FRMD3: variants seen among roughly 807,000 people sequenced by gnomAD.
FRMD3 encodes the protein FERM domain-containing protein 3.
Under a neutral mutation model 70.2 loss-of-function variants are expected in FRMD3, and 33 were observed. The observed-to-expected ratio is 0.47, with a 90% CI of 0.36 to 0.63. FRMD3 has a LOEUF of 0.63. Ranked by LOEUF, FRMD3 falls within the 20% of genes least tolerant of loss-of-function variation. The pLI, the probability that FRMD3 is intolerant of heterozygous loss-of-function variation, is 0.00. For synonymous variants in FRMD3, 279 were observed against 255.9 expected, an observed-to-expected ratio of 1.09 and a Z score of -0.86; for missense variants, 632 against 711.4, an observed-to-expected ratio of 0.89 and a Z score of 1.27.
intron 3 of FRMD3, among the ~76,000 whole-genome samples, chr9:83,351,323 T>TAC (rs56407249): frequency 0.13 from 18,738 of 143,772 alleles, 1,249 homozygotes; most frequent in South Asian, 0.21. Flanking sequence ...AAACTGATCA[T>TAC]ACACACACAC....
chr9:83,466,381 T>C (rs1828127375), intron 1 of FRMD3, among the ~76,000 whole-genome samples: 1 of 152,200 alleles, frequency 6.6e-6, no homozygotes, highest in African/African-American at 2.4e-5. Context: ...GGAAAACTGT[T>C]TTGTTTCAAA....
chr9:83,470,828 AAC>A (rs1828250819), intron 1 of FRMD3, among the ~76,000 whole-genome samples: 1 of 152,256 alleles, frequency 6.6e-6, no homozygotes, highest in Non-Finnish European at 1.5e-5. Flanking sequence ...ACTTGGAGTT[AAC>A]CTGTGAATTT....
intron 6 of FRMD3, among the ~76,000 whole-genome samples, chr9:83,325,390 G>A (rs1001594403): frequency 1.3e-5 from 2 of 152,030 alleles, no homozygotes; most frequent in African/African-American, 4.8e-5. Flanking sequence ...GCAGTGATGC[G>A]ATCTCAGTTC....
At chr9:83,295,312 A>G (rs1353458592) in intron 12 of FRMD3, among the ~76,000 whole-genome samples, 2 of 152,212 alleles carry the variant, frequency 1.3e-5, no homozygotes, top group Non-Finnish European at 2.9e-5. Flanking sequence ...AGGCAGACTC[A>G]GGACTCAAAA....
chr9:83,350,907 A>G (rs1824134419), intron 3 of FRMD3: 2 of 546,186 alleles, frequency 3.7e-6, no homozygotes, highest in African/African-American at 2.1e-5. Context: ...AGTGAGATGC[A>G]TTCAGATTTC....
intron 1 of FRMD3, among the ~76,000 whole-genome samples, chr9:83,513,070 G>C (rs967083208): frequency 3.3e-5 from 5 of 152,198 alleles, no homozygotes; most frequent in African/African-American, 1.2e-4. Flanking sequence ...AGGGTGCTTA[G>C]AGAAACATAG....
chr9:83,476,587 G>A (rs1166393818), intron 1 of FRMD3, among the ~76,000 whole-genome samples: 1 of 152,166 alleles, frequency 6.6e-6, no homozygotes. Context: ...GAGCCCAGAG[G>A]AGAGGCAGAA....
chr9:83,315,531 T>C lies in FRMD3; in HGVS notation c.597-1784A>G, dbSNP rs150567958. ...CGGGATAGTGAGTCCTCACAAGATC[T>C]GGTTGTTTACAAGTGTGTAGCACCT... is the stretch of plus-strand genomic sequence containing the variant. On this transcript the variant is annotated intron_variant, in intron 6 of 13. Coordinates refer to ENST00000304195, the MANE Select transcript of FRMD3 (RefSeq NM_174938.6). Among the ~76,000 whole-genome samples the C allele has an allele frequency of 2.9e-3, 440 of 152,260 alleles. 2 individuals carry two copies. Among genetic ancestry groups the C allele is most frequent in the African/African-American group, 0.01 (422 of 41,542 alleles).
At chr9:83,290,321 G>A (rs751628289) in intron 13 of FRMD3, among the ~76,000 whole-genome samples, 2 of 152,140 alleles carry the variant, frequency 1.3e-5, no homozygotes, top group Non-Finnish European at 1.5e-5. Context: ...CATGGCTAAT[G>A]GTTAGTGTAC....
chr9:83,534,533 T>C (rs977327420), intron 1 of FRMD3, among the ~76,000 whole-genome samples: 5 of 152,178 alleles, frequency 3.3e-5, no homozygotes, highest in Admixed American at 6.5e-5. Flanking sequence ...CTTCTCCCCT[T>C]GTGGGAGGCA....
intron 1 of FRMD3, among the ~76,000 whole-genome samples, chr9:83,461,021 C>G (rs1827955763): frequency 6.6e-6 from 1 of 151,952 alleles, no homozygotes; most frequent in Non-Finnish European, 1.5e-5. Context: ...CACAGTGTGA[C>G]AAGTGCACCA....
rs560342430 is a variant in FRMD3 at position 83,376,893 on chromosome 9, G to A, written c.253-3938C>T. Among the ~76,000 whole-genome samples, 264 of 152,278 alleles carry A rather than the reference G, an allele frequency of 1.7e-3. 1 individual carries two copies. The highest frequency in any genetic ancestry group is 5.6e-3 in the African/African-American group (234 of 41,552). ...GAAATAGGTGTGCAACAAGCAATGA[G>A]CATGGTAGTGTGTCCAATATGATCC... On this transcript the variant is annotated intron_variant, in intron 2 of 13. Transcript: ENST00000304195.
At chr9:83,551,324 C>G in the FRMD3 span, among the ~76,000 whole-genome samples, 251 of 152,272 alleles carry the variant, frequency 1.6e-3, 1 homozygote, top group African/African-American at 5.7e-3. Flanking sequence ...GGGGATGAAG[C>G]CTACTTGATC....
upstream of FRMD3, among the ~76,000 whole-genome samples, chr9:83,542,235 C>T (rs1414560680): frequency 6.6e-6 from 1 of 152,192 alleles, no homozygotes; most frequent in Non-Finnish European, 1.5e-5. Flanking sequence ...TATGCCTAAC[C>T]AATGGGTTAT....
chr9:83,569,108 G>C, the FRMD3 span, among the ~76,000 whole-genome samples: 3 of 152,080 alleles, frequency 2.0e-5, no homozygotes, highest in African/African-American at 7.2e-5. Flanking sequence ...TCTTTGCAAA[G>C]ATAATAAGCT....
intron 1 of FRMD3, among the ~76,000 whole-genome samples, chr9:83,507,705 T>TTGGA (rs2131524747): frequency 1.3e-5 from 1 of 79,164 alleles, no homozygotes; most frequent in South Asian, 4.4e-4. Flanking sequence ...TATATATATA[T>TTGGA]ATATATATAT....
rs868324808 is a variant in FRMD3 at position 83,298,691 on chromosome 9, G to A, written c.1070+57C>T. On this transcript the variant is annotated intron_variant, in intron 12 of 13. Coordinates refer to ENST00000304195, the MANE Select transcript of FRMD3 (RefSeq NM_174938.6). Reference sequence around the variant, plus strand: ...CACTACACAAAGGGATGTTATAGGGGATTTGGAAAAGCCAGCTTTTAAAGC... The same window carrying A: ...CACTACACAAAGGGATGTTATAGGGAATTTGGAAAAGCCAGCTTTTAAAGC... 4.2e-5 allele frequency: 56 copies of A among 1,321,552 alleles called. No homozygotes were observed. In the Middle Eastern group the frequency reaches 2.2e-3, roughly 51 times the overall value. The allele number at this position is 1,321,552 out of a possible 1,614,324, so 81.9% of individuals were successfully genotyped here.
chr9:83,410,521 C>T (rs1436764294), intron 1 of FRMD3, among the ~76,000 whole-genome samples: 1 of 152,126 alleles, frequency 6.6e-6, no homozygotes, highest in African/African-American at 2.4e-5. Flanking sequence ...TGTATAGGTA[C>T]CACATTTTCT....
intron 2 of FRMD3, among the ~76,000 whole-genome samples, chr9:83,375,249 T>A (rs1418844250): frequency 6.6e-6 from 1 of 152,246 alleles, no homozygotes; most frequent in East Asian, 1.9e-4. Flanking sequence ...ATGTAAGGCA[T>A]GCCTGAAAGG....
Sources: gnomAD v4.1 joint callset for allele counts (sites outside exome capture counted in the v4.1 genomes callset) on GRCh38, gnomAD v4.1.1 for gene constraint, MANE v1.5 for transcripts, NCBI Gene and HGNC (gene_info 2026-07-23, HGNC 2026-07-21) for gene names.